HMCN1: variants seen among roughly 807,000 people sequenced by gnomAD.
HMCN1 encodes hemicentin-1.
Under a neutral mutation model 625.9 loss-of-function variants are expected in HMCN1, and 321 were observed. The ratio of observed to expected loss-of-function variants is 0.51; its 90% CI spans 0.47 to 0.56. HMCN1 has a LOEUF of 0.56. Ranked by LOEUF, HMCN1 falls within the 20% of genes least tolerant of loss-of-function variation. HMCN1 has a pLI of 0.00. For missense variants in HMCN1, 6,588 were observed against 6,887.3 expected (o/e 0.96, Z 1.54); for synonymous variants, 2,425 against 2,417.6 (o/e 1.00, Z -0.09).
At chr1:185,951,541 C>T (rs970689005) in intron 11 of HMCN1, among the ~76,000 whole-genome samples, 3 of 150,302 alleles carry the variant, frequency 2.0e-5, no homozygotes, top group African/African-American at 7.3e-5. Context: ...GCTTCTGAGG[C>T]GATCGGGCAG....
At chr1:186,144,797 C>A in intron 91 of HMCN1, 94 bp downstream of exon 91, 1 of 1,461,368 alleles carries the variant, frequency 6.8e-7, no homozygotes, top group Non-Finnish European at 9.5e-7. Context: ...TTATTTGGTT[C>A]TTCAACCTTT....
chr1:186,185,781 A>T (rs966746913), intron 105 of HMCN1, among the ~76,000 whole-genome samples: 2 of 152,216 alleles, frequency 1.3e-5, no homozygotes, highest in Non-Finnish European at 2.9e-5. Context: ...GTACAATGAC[A>T]TCGTAGTAAC....
intron 1 of HMCN1, among the ~76,000 whole-genome samples, chr1:185,757,829 C>G (rs1655231978): frequency 6.6e-6 from 1 of 152,050 alleles, no homozygotes; most frequent in Non-Finnish European, 1.5e-5. Context: ...GTAGGTAATT[C>G]CTCTCTCCTT....
At position 185,938,758 on chromosome 1, in the gene HMCN1, A is replaced by G. The variant is rs551873728; in HGVS notation, c.1828+4934A>G. Among the ~76,000 whole-genome samples the G allele has an allele frequency of 7.2e-5, 11 of 152,286 alleles. 1 individual carries two copies. The highest frequency in any genetic ancestry group is 2.6e-4 in the African/African-American group (11 of 41,558). ...TGGCTGTGTTCTCAGCGGTCTAGCC[A>G]TACCATTTCTACCTGATATCCAGTT... On this transcript the variant is annotated intron_variant, in intron 11 of 106. Coordinates refer to ENST00000271588, the MANE Select transcript of HMCN1 (RefSeq NM_031935.3).
chr1:185,775,163 A>G (rs1374385786), intron 1 of HMCN1, among the ~76,000 whole-genome samples: 3 of 152,206 alleles, frequency 2.0e-5, no homozygotes, highest in African/African-American at 7.2e-5. Flanking sequence ...TTTTGTTCTT[A>G]GCTGAATGTC....
At chr1:185,820,016 A>C (rs956331489) in intron 1 of HMCN1, among the ~76,000 whole-genome samples, 18 of 152,212 alleles carry the variant, frequency 1.2e-4, no homozygotes, top group Admixed American at 2.6e-4. Context: ...AGGAAGGAAA[A>C]AAGCACAATG....
intron 3 of HMCN1, among the ~76,000 whole-genome samples, 154 bp from the exon 4 acceptor site, chr1:185,865,579 GCATACACA>G (rs1553251688): frequency 1.4e-5 from 1 of 70,424 alleles, no homozygotes; most frequent in African/African-American, 5.3e-5. Context: ...AATTATATAA[GCATACACA>G]CACACACACA....
At chr1:185,756,285 G>T (rs950177021) in intron 1 of HMCN1, among the ~76,000 whole-genome samples, 3 of 152,034 alleles carry the variant, frequency 2.0e-5, no homozygotes, top group Admixed American at 2.0e-4. Flanking sequence ...CAAACTGAGT[G>T]ATGTCAGTTT....
At chr1:185,887,873 G>A (rs567467924) in intron 4 of HMCN1, among the ~76,000 whole-genome samples, 2 of 141,850 alleles carry the variant, frequency 1.4e-5, no homozygotes, top group South Asian at 2.3e-4. Flanking sequence ...GATCCCTGAC[G>A]AATCGCCACA....
chr1:186,165,830 G>C (rs1159585389), intron 98 of HMCN1, among the ~76,000 whole-genome samples: 1 of 152,058 alleles, frequency 6.6e-6, no homozygotes, highest in African/African-American at 2.4e-5. Flanking sequence ...TTTTTCCTCA[G>C]TTTTGTCCTG....
At chr1:186,021,051 A>T (rs1255938780) in intron 35 of HMCN1, among the ~76,000 whole-genome samples, 1 of 152,154 alleles carries the variant, frequency 6.6e-6, no homozygotes, top group Non-Finnish European at 1.5e-5. Flanking sequence ...AGATATGTAG[A>T]AACCAATTAG....
chr1:185,918,786 C>A (rs964893562), intron 6 of HMCN1, among the ~76,000 whole-genome samples: 2 of 152,016 alleles, frequency 1.3e-5, no homozygotes, highest in Non-Finnish European at 1.5e-5. Flanking sequence ...CTTTGAAACA[C>A]AACTCTTCCT....
chr1:186,122,897 C>A (rs1052380695), intron 80 of HMCN1, 54 bp from the exon 81 acceptor site: 6 of 1,567,934 alleles, frequency 3.8e-6, no homozygotes, highest in Non-Finnish European at 5.2e-6. Context: ...ATGTAATTTG[C>A]GCACTCATGC....
At chr1:185,885,479 C>T (rs1026986197) in intron 4 of HMCN1, among the ~76,000 whole-genome samples, 1 of 150,984 alleles carries the variant, frequency 6.6e-6, no homozygotes, top group Admixed American at 6.6e-5. Flanking sequence ...TTCCTTATTA[C>T]CTGTGTTAAA....
intron 86 of HMCN1, among the ~76,000 whole-genome samples, chr1:186,136,241 A>G (rs553320099): frequency 1.3e-3 from 200 of 152,282 alleles, no homozygotes; most frequent in African/African-American, 4.7e-3. Context: ...GTGAATATTC[A>G]CCATATAAAA....
At chr1:185,748,292 A>G (rs998240541) in intron 1 of HMCN1, among the ~76,000 whole-genome samples, 5 of 152,036 alleles carry the variant, frequency 3.3e-5, no homozygotes, top group African/African-American at 1.2e-4. Context: ...TCTTAGGTGA[A>G]CATGCTCACC....
rs923836712 is a variant in HMCN1, at chr1:185,989,515, G to A, written c.3076G>A (p.Ala1026Thr). 1.4e-5 allele frequency: 23 copies of A among 1,613,914 alleles called. No homozygotes were observed. Among genetic ancestry groups the A allele is most frequent in the Non-Finnish European group, 1.9e-5 (23 of 1,179,986 alleles). Reference protein sequence around the residue: ...KKGELISTSSAKFSAGADGSL... With the variant: ...KKGELISTSSTKFSAGADGSL... ...AGGAGAGCTGATTTCAACCAGCAGT[G>A]CTAAGTTTTCAGCAGGAGCTGATGG... Residue 1026 changes from alanine (A) to threonine (T), a missense_variant, in exon 21 of 107, where the codon GCT becomes ACT. Ala to Thr is a moderately conservative substitution (Grantham distance 58). This residue lies in a region of HMCN1 where 4,628 missense variants were observed against 4,853.1 expected (regional missense o/e 0.95). Transcript: ENST00000271588.
At chr1:185,979,281 A>G (rs1043559293) in intron 16 of HMCN1, among the ~76,000 whole-genome samples, 2 of 152,174 alleles carry the variant, frequency 1.3e-5, no homozygotes, top group Non-Finnish European at 2.9e-5. Flanking sequence ...TTTGATAGGC[A>G]GGAAAAGGTA....
At chr1:185,788,605 C>T (rs948233683) in intron 1 of HMCN1, among the ~76,000 whole-genome samples, 1 of 152,176 alleles carries the variant, frequency 6.6e-6, no homozygotes, top group Admixed American at 6.5e-5. Flanking sequence ...ATCCCTTAGA[C>T]ACTGGCATTT....
Sources: allele counts gnomAD v4.1 joint callset (sites outside exome capture counted in the v4.1 genomes callset), GRCh38; gene constraint gnomAD v4.1.1; regional missense constraint gnomAD v4.1.1; transcripts MANE v1.5; gene names NCBI Gene and HGNC (gene_info 2026-07-23, HGNC 2026-07-21).